LUC7L3: variants seen among roughly 807,000 people sequenced by gnomAD.
The protein encoded by LUC7L3 is luc7-like protein 3.
Under a neutral mutation model 66.8 loss-of-function variants are expected in LUC7L3, and 6 were observed. That is an observed-to-expected ratio of 0.09 (90% CI 0.05 to 0.18). LUC7L3 has a LOEUF of 0.18. LUC7L3 is among the 10% of genes least tolerant of loss of function. The pLI is 1.00. For missense variants in LUC7L3, 341 were observed against 531.1 expected, an observed-to-expected ratio of 0.64 and a Z score of 3.52; for synonymous variants, 160 against 174.7, an observed-to-expected ratio of 0.92 and a Z score of 0.66.
At chr17:50,722,188 A>ATTTTTTT (rs1371025266) in intron 1 of LUC7L3, 3 of 66,292 alleles carry the variant, frequency 4.5e-5, no homozygotes, top group Non-Finnish European at 8.8e-5. Context: ...CCTCTTATGC[A>ATTTTTTT]TTCTTTTTTT....
intron 1 of LUC7L3, among the ~76,000 whole-genome samples, chr17:50,734,675 A>G (rs1242285417): frequency 6.6e-6 from 1 of 152,230 alleles, no homozygotes; most frequent in Admixed American, 6.5e-5. Flanking sequence ...TTAAAAATCA[A>G]GTATAATAAC....
At chr17:50,728,235 AGATT>A (rs1366912830) in intron 1 of LUC7L3, among the ~76,000 whole-genome samples, 4 of 152,200 alleles carry the variant, frequency 2.6e-5, no homozygotes, top group Non-Finnish European at 2.9e-5. Context: ...CTGCTGTGGA[AGATT>A]GATTGAAATT....
intron 2 of LUC7L3, among the ~76,000 whole-genome samples, chr17:50,738,757 C>CA (rs1273795261): frequency 6.6e-6 from 1 of 152,012 alleles, no homozygotes; most frequent in East Asian, 1.9e-4. Flanking sequence ...AGAATAAAAG[C>CA]AGAGGGAATT....
At chr17:50,746,739 T>C (rs763817784) in intron 9 of LUC7L3, 37 bp downstream of exon 9, 5 of 1,579,816 alleles carry the variant, frequency 3.2e-6, no homozygotes, top group Non-Finnish European at 3.5e-6. Flanking sequence ...TTAAGAAACT[T>C]TTCACACCCT....
Position 50,745,716 on chromosome 17 carries a change from C to T in LUC7L3, c.694-4C>T. The T allele has an allele frequency of 6.4e-7, 1 of 1,567,784 alleles. No homozygotes were observed. Among genetic ancestry groups the T allele is most frequent in the Non-Finnish European group, 8.6e-7 (1 of 1,165,720 alleles). On this transcript the variant is annotated splice_polypyrimidine_tract_variant and splice_region_variant and intron_variant, in intron 7 of 9. Transcript: ENST00000505658. ...TGCATAAGAATCCAACTTGATTTTT[C>T]TAGGAAAAGTTAAGGAAAAGAACCG...
intron 9 of LUC7L3, 26 bp from the exon 10 acceptor site, chr17:50,750,475 A>G (rs1441338632): frequency 1.9e-6 from 3 of 1,585,546 alleles, no homozygotes; most frequent in East Asian, 2.2e-5. Flanking sequence ...TTTAAAATCC[A>G]TGGTCAATGT....
At chr17:50,740,238 T>TC (rs1023922002) in intron 2 of LUC7L3, 68 bp from the exon 3 acceptor site, 19 of 1,084,774 alleles carry the variant, frequency 1.8e-5, no homozygotes, top group East Asian at 2.7e-5. Flanking sequence ...AAAATAACTC[T>TC]TTTTTTTTGG....
Position 50,744,732 on chromosome 17 carries a change from C to G in LUC7L3, c.612C>G (p.Ala204=). Residue 204 remains alanine (A), a synonymous_variant, in exon 7 of 10, where the codon GCC becomes GCG. Coordinates refer to ENST00000505658, the MANE Select transcript of LUC7L3 (RefSeq NM_016424.5). ...VCGAFLIVGD[A]QSRVDDHLMG... ...GAGCCTTTTTAATAGTAGGAGATGC[C>G]CAGTCCCGGGTAGATGACCATTTGA... 6.2e-7 allele frequency: 1 copy of G among 1,613,976 alleles called. No homozygotes were observed. Among genetic ancestry groups the G allele is most frequent in the Non-Finnish European group, 8.5e-7 (1 of 1,179,906 alleles).
At position 50,751,357 on chromosome 17, in the gene LUC7L3, A is replaced by G; in HGVS notation, c.*696A>G. ...TAAAAATCAAGGATTCAGTCAAACT[A>G]AGCAGGTACTCATGCCAGGTACTCC... On this transcript the variant is annotated 3_prime_UTR_variant, in exon 10 of 10. Coordinates refer to ENST00000505658, the MANE Select transcript of LUC7L3 (RefSeq NM_016424.5). 2 of 1,294,478 alleles carry G rather than the reference A, an allele frequency of 1.5e-6. No homozygotes were observed. 80.2% of individuals were successfully genotyped at this position (1,294,478 alleles called of 1,614,324 possible). A position where few individuals can be genotyped will look rare whatever the true frequency, so the allele number is the denominator to read the frequency against.
At chr17:50,732,702 T>C (rs543032102) in intron 1 of LUC7L3, among the ~76,000 whole-genome samples, 1 of 152,250 alleles carries the variant, frequency 6.6e-6, no homozygotes, top group Admixed American at 6.5e-5. Context: ...TTTAATACTA[T>C]GAAGAAACCA....
At chr17:50,738,383 T>C (rs1467695597) in intron 2 of LUC7L3, among the ~76,000 whole-genome samples, 1 of 152,182 alleles carries the variant, frequency 6.6e-6, no homozygotes, top group Non-Finnish European at 1.5e-5. Context: ...GAAGAAAGCC[T>C]TCAACACAAG....
Position 50,728,805 on chromosome 17 carries a change from C to T in LUC7L3, c.100-8155C>T, listed in dbSNP as rs1234188990. Among the ~76,000 whole-genome samples the T allele has an allele frequency of 3.3e-5, 5 of 152,212 alleles. No individual in the cohort carries two copies. In the East Asian group the frequency reaches 7.7e-4, roughly 23 times the overall value. ...CTGGCTTCAAGTGATCTGCCTGCCTCGGCCTCCCAAAGTGCTAGGATTGCA... is the reference window on the plus strand; with the variant it reads ...CTGGCTTCAAGTGATCTGCCTGCCTTGGCCTCCCAAAGTGCTAGGATTGCA... On this transcript the variant is annotated intron_variant, in intron 1 of 9. Transcript: ENST00000505658.
At position 50,745,584 on chromosome 17, in the gene LUC7L3, G is replaced by A. The variant is rs1970621489; in HGVS notation, c.694-136G>A. The stretch of plus-strand genomic sequence containing the variant: ...ATAATGATACCTTGTGTATATACAT[G>A]GTGTTGGAATGTCTACATTTCCCTT... On this transcript the variant is annotated intron_variant, in intron 7 of 9. Coordinates refer to ENST00000505658, the MANE Select transcript of LUC7L3 (RefSeq NM_016424.5). 4.8e-6 allele frequency: 3 copies of A among 626,152 alleles called. No homozygotes were observed. In the East Asian group the frequency reaches 8.2e-5, roughly 17 times the overall value. The allele number at this position is 626,152 out of a possible 1,614,324, so 38.8% of individuals were successfully genotyped here. A position where few individuals can be genotyped will look rare whatever the true frequency, so the allele number is the denominator to read the frequency against.
In LUC7L3 at chr17:50,719,677, G is replaced by C. The variant is rs1339285301; in HGVS notation, c.-56G>C. 8 of 1,438,972 alleles carry C rather than the reference G, an allele frequency of 5.6e-6. No homozygotes were observed. Among genetic ancestry groups the C allele is most frequent in the Non-Finnish European group, 7.7e-6 (8 of 1,033,814 alleles). 89.1% of individuals were successfully genotyped at this position (1,438,972 alleles called of 1,614,324 possible). On this transcript the variant is annotated 5_prime_UTR_variant, in exon 1 of 10. Coordinates refer to ENST00000505658, the MANE Select transcript of LUC7L3 (RefSeq NM_016424.5). ...GAGGAGATTGGCGACGGTGTCGCCC[G>C]TGTTTTCGTTGGCGGGTGCCTGGGC...
intron 5 of LUC7L3, among the ~76,000 whole-genome samples, chr17:50,743,471 G>T (rs1597930716): frequency 6.6e-6 from 1 of 152,020 alleles, no homozygotes; most frequent in Admixed American, 6.6e-5. Flanking sequence ...CTCCCAAAGT[G>T]CTTGGATTAC....
intron 2 of LUC7L3, among the ~76,000 whole-genome samples, chr17:50,738,455 G>A (rs542808338): frequency 6.6e-6 from 1 of 152,336 alleles, no homozygotes; most frequent in Non-Finnish European, 1.5e-5. Context: ...GGGGAAAGCA[G>A]AAGAGAGATT....
At chr17:50,734,035 T>A (rs1480266464) in intron 1 of LUC7L3, among the ~76,000 whole-genome samples, 1 of 152,164 alleles carries the variant, frequency 6.6e-6, no homozygotes, top group Non-Finnish European at 1.5e-5. Context: ...AATTAGAAAA[T>A]CATATGGCAT....
At chr17:50,739,456 A>C (rs1401781187) in intron 2 of LUC7L3, among the ~76,000 whole-genome samples, 1 of 152,210 alleles carries the variant, frequency 6.6e-6, no homozygotes, top group African/African-American at 2.4e-5. Context: ...GTTCAAGAAC[A>C]GCTTGCCCAA....
intron 7 of LUC7L3, among the ~76,000 whole-genome samples, chr17:50,745,187 T>G (rs971350182): frequency 2.0e-5 from 3 of 151,944 alleles, no homozygotes; most frequent in African/African-American, 7.3e-5. Context: ...GAGACGGGGT[T>G]TTTTCCTGTT....
Sources: gnomAD v4.1 joint callset for allele counts (sites outside exome capture counted in the v4.1 genomes callset) on GRCh38, gnomAD v4.1.1 for gene constraint, MANE v1.5 for transcripts, NCBI Gene and HGNC (gene_info 2026-07-23, HGNC 2026-07-21) for gene names.